DNAAF9: variants seen among roughly 807,000 people sequenced by gnomAD.
The protein encoded by DNAAF9 is dynein axonemal assembly factor 9.
A neutral mutation model predicts 167.0 loss-of-function variants in DNAAF9; 90 were observed. The observed-to-expected ratio is 0.54, with a 90% CI of 0.45 to 0.64. The LOEUF is 0.64. Ranked by LOEUF, DNAAF9 falls within the 30% of genes least tolerant of loss-of-function variation. DNAAF9 has a pLI of 0.00. For synonymous variants in DNAAF9, 491 were observed against 508.8 expected, an observed-to-expected ratio of 0.96 and a Z score of 0.47; for missense variants, 1,315 against 1,442.2, an observed-to-expected ratio of 0.91 and a Z score of 1.43.
intron 23 of DNAAF9, 151 bp from the exon 24 acceptor site, chr20:3,294,780 A>G (rs764004291): frequency 1.3e-5 from 8 of 596,058 alleles, no homozygotes; most frequent in Non-Finnish European, 1.8e-5. Flanking sequence ...ATGAGGTGTT[A>G]GTGCATGATG....
chr20:3,356,711 C>T (rs1417551064), intron 7 of DNAAF9, among the ~76,000 whole-genome samples: 1 of 152,014 alleles, frequency 6.6e-6, no homozygotes, highest in African/African-American at 2.4e-5. Context: ...ATTTCAGGAC[C>T]CACACATAAA....
intron 18 of DNAAF9, chr20:3,316,079 T>A: frequency 2.1e-6 from 1 of 471,430 alleles, no homozygotes; most frequent in Non-Finnish European, 3.8e-6. Flanking sequence ...AAAAAACAAC[T>A]GTTTTTAGGG....
intron 7 of DNAAF9, among the ~76,000 whole-genome samples, chr20:3,352,846 T>TTATAAATATATATA (rs1555795387): frequency 6.8e-6 from 1 of 146,706 alleles, no homozygotes; most frequent in Non-Finnish European, 1.5e-5. Flanking sequence ...TTCAAAATAT[T>TTATAAATATATATA]TATATATATA....
chr20:3,296,162 C>A, intron 23 of DNAAF9: 1 of 599,298 alleles, frequency 1.7e-6, no homozygotes, highest in South Asian at 1.4e-5. Context: ...CTCTGTAGTC[C>A]CACCTGCTAA....
chr20:3,346,475 C>A (rs2070195576), intron 8 of DNAAF9, among the ~76,000 whole-genome samples: 1 of 150,698 alleles, frequency 6.6e-6, no homozygotes, highest in South Asian at 2.1e-4. Context: ...TGAATTGTAA[C>A]AAAGATCCCA....
chr20:3,390,213 G>C (rs190479771), intron 1 of DNAAF9, among the ~76,000 whole-genome samples: 88 of 152,208 alleles, frequency 5.8e-4, no homozygotes, highest in African/African-American at 2.0e-3. Flanking sequence ...ATATTTAGAA[G>C]TGAAATGTCA....
chr20:3,388,777 G>A (rs1481298810), intron 1 of DNAAF9, among the ~76,000 whole-genome samples: 7 of 152,174 alleles, frequency 4.6e-5, no homozygotes, highest in Admixed American at 4.6e-4. Context: ...AATGGTGGTT[G>A]CCAGGTGCTG....
intron 1 of DNAAF9, among the ~76,000 whole-genome samples, chr20:3,391,400 T>C (rs896453893): frequency 2.6e-4 from 40 of 152,190 alleles, no homozygotes; most frequent in African/African-American, 9.6e-4. Context: ...GTTAATATTT[T>C]GGCATATTTG....
At position 3,287,781 on chromosome 20, in the gene DNAAF9, C is replaced by T. The variant is rs768563160; in HGVS notation, c.2337G>A (p.Val779=). The change falls in exon 27 of 37, where the codon GTG becomes GTA. Residue 779 remains valine, a synonymous_variant. Transcript: ENST00000252032. ...TLHKECGRWM[V]YRQIMDSSEC... is the part of the protein sequence containing the mutation. ...CAGAGCTGTCCATGATTTGGCGATA[C>T]ACCATCCATCTGGAAAGGTAAAAGG... 7.4e-6 allele frequency: 12 copies of T among 1,614,068 alleles called. No individual in the cohort carries two copies. The highest frequency in any genetic ancestry group is 1.3e-5 in the African/African-American group (1 of 74,950).
At position 3,336,414 on chromosome 20, in the gene DNAAF9, GT is replaced by G. The variant is rs35399689; in HGVS notation, c.982-4054del. 7.5e-5 allele frequency among the ~76,000 whole-genome samples: 11 copies of G among 147,164 alleles called. No individual in the cohort carries two copies. In the East Asian group the frequency reaches 1.8e-3, roughly 24 times the overall value. On this transcript the variant is annotated intron_variant, in intron 10 of 36. Transcript: ENST00000252032. ...CCACAGCTCTCTGAGGTTTTGTTCA[GT>G]TTTTTTTTTCAGTCTATTTTCTGTT... is the stretch of plus-strand genomic sequence containing the variant.
At chr20:3,313,054 G>A (rs1191945204) in intron 20 of DNAAF9, among the ~76,000 whole-genome samples, 1 of 152,164 alleles carries the variant, frequency 6.6e-6, no homozygotes, top group African/African-American at 2.4e-5. Context: ...TTTCTAACAA[G>A]GCCCTCTGCT....
chr20:3,311,116 C>T (rs2069406997), intron 20 of DNAAF9, among the ~76,000 whole-genome samples: 1 of 152,122 alleles, frequency 6.6e-6, no homozygotes, highest in Non-Finnish European at 1.5e-5. Context: ...ACAGTACAGT[C>T]TGCAATACCA....
Position 3,332,957 on chromosome 20 carries a change from T to C in DNAAF9, c.982-596A>G, listed in dbSNP as rs145949205. On this transcript the variant is annotated intron_variant, in intron 10 of 36. Transcript: ENST00000252032. ...TGTGTGGTTTAAACCTTGGCTATAT[T>C]GTGAGGGTGCTGTTGGATACTCAGT... is the stretch of plus-strand genomic sequence containing the variant. 2.6e-3 allele frequency among the ~76,000 whole-genome samples: 390 copies of C among 150,384 alleles called. 3 individuals carry two copies. The highest frequency in any genetic ancestry group is 0.018 in the East Asian group (89 of 5,070).
At position 3,315,043 on chromosome 20, in the gene DNAAF9, C is replaced by T; in HGVS notation, c.1668G>A (p.Trp556Ter). ...AYLYSSNLQS[W>*]PEEGNVHFFS... ...GTCATAGCTCCTTACCTTCCTCAGG[C>T]CAGGACTGTAGATTGCTGGAATAAA... Residue 556 changes from tryptophan (W) to a stop codon, truncating the protein, a stop_gained, in exon 20 of 37, where the codon TGG (tryptophan) becomes TGA (stop). Transcript: ENST00000252032. LOFTEE classifies it high-confidence loss of function. The surrounding 1 kb of genome is among the most constrained non-coding windows in gnomAD (Gnocchi z 4.1). 6.2e-7 allele frequency: 1 copy of T among 1,603,356 alleles called. No individual in the cohort carries two copies. The highest frequency in any genetic ancestry group is 8.5e-7 in the Non-Finnish European group (1 of 1,170,182).
chr20:3,315,925 C>T lies in DNAAF9; in HGVS notation c.1540-140G>A. On this transcript the variant is annotated intron_variant, in intron 18 of 36. Coordinates refer to ENST00000252032, the MANE Select transcript of DNAAF9 (RefSeq NM_001009984.3). This position sits in a 1 kb window ranked among gnomAD's most constrained non-coding sequence, Gnocchi z 4.1. ...TGTCCATGTCCAGTGCTCTCAGGCC[C>T]TGACACACCTGAGATGTCTGCTGGT... 1.4e-6 allele frequency: 1 copy of T among 717,232 alleles called. No homozygotes were observed. The highest frequency in any genetic ancestry group is 2.5e-6 in the Non-Finnish European group (1 of 397,326). 44.4% of individuals were successfully genotyped at this position (717,232 alleles called of 1,614,324 possible).
intron 20 of DNAAF9, among the ~76,000 whole-genome samples, chr20:3,307,967 T>TAAAAAAAAAAAAAAAAAAAAAAAAAA (rs367851853): frequency 8.1e-6 from 1 of 123,452 alleles, no homozygotes. Flanking sequence ...ACACAAGGTT[T>TAAAAAAAAAAAAAAAAAAAAAAAAAA]AAAAAAAAAA....
At chr20:3,402,550 C>T in intron 1 of DNAAF9, among the ~76,000 whole-genome samples, 1 of 152,020 alleles carries the variant, frequency 6.6e-6, no homozygotes. Context: ...TAATTACCAC[C>T]ATTCTACTCT....
chr20:3,281,634 T>TA lies in DNAAF9; in HGVS notation c.2612+6dup. 6.2e-7 allele frequency: 1 copy of TA among 1,603,844 alleles called. No individual in the cohort carries two copies. Among genetic ancestry groups the TA allele is most frequent in the South Asian group, 1.1e-5 (1 of 88,856 alleles). ...CAGTACACTTACACACCATATCCTGTATCTACCTGTGCTCCATGTAGCAGC... is the reference window on the plus strand; with the variant it reads ...CAGTACACTTACACACCATATCCTGTAATCTACCTGTGCTCCATGTAGCAGC... On this transcript the variant is annotated splice_region_variant and intron_variant, in intron 28 of 36. Coordinates refer to ENST00000252032, the MANE Select transcript of DNAAF9 (RefSeq NM_001009984.3).
At chr20:3,256,292 GT>G in intron 33 of DNAAF9, 81 bp from the exon 34 acceptor site, 2 of 1,004,140 alleles carry the variant, frequency 2.0e-6, no homozygotes, top group Non-Finnish European at 3.1e-6. Flanking sequence ...AATGCAGATG[GT>G]TGGGATAGAT....
Sources: gnomAD v4.1 joint callset for allele counts (sites outside exome capture counted in the v4.1 genomes callset) on GRCh38, gnomAD v4.1.1 for gene constraint, Gnocchi (gnomAD v3.1) non-coding constraint, MANE v1.5 for transcripts, NCBI Gene and HGNC (gene_info 2026-07-23, HGNC 2026-07-21) for gene names.